Variants in MAST4 observed in about 807,000 individuals in gnomAD.
The protein encoded by MAST4 is microtubule-associated serine/threonine-protein kinase 4.
Under a neutral mutation model 162.7 loss-of-function variants are expected in MAST4, and 89 were observed. The observed-to-expected ratio is 0.55, with a 90% CI of 0.46 to 0.65. MAST4 has a LOEUF of 0.65. Among genes scored for constraint, MAST4 ranks in the 30% least tolerant of loss-of-function variants. The probability of loss-of-function intolerance (pLI) is 0.00; values close to 1 mark genes in which losing one functional copy is unlikely to be tolerated. For missense variants in MAST4, 3,153 were observed against 3,374.0 expected (o/e 0.93, Z 1.62); for synonymous variants, 1,479 against 1,361.1 (o/e 1.09, Z -1.91).
chr5:67,081,013 A>G (rs1036240170), intron 5 of MAST4, among the ~76,000 whole-genome samples: 2 of 137,278 alleles, frequency 1.5e-5, no homozygotes, highest in African/African-American at 5.5e-5. Context: ...AATATAATAT[A>G]TAATTGTATA....
intron 3 of MAST4, among the ~76,000 whole-genome samples, chr5:66,843,814 C>G (rs1304942404): frequency 3.9e-5 from 6 of 152,070 alleles, no homozygotes; most frequent in African/African-American, 1.4e-4. Flanking sequence ...TGATACACAG[C>G]CAGGGTATAT....
At chr5:66,750,452 G>C (rs1455312491) in intron 1 of MAST4, among the ~76,000 whole-genome samples, 1 of 152,240 alleles carries the variant, frequency 6.6e-6, no homozygotes, top group Non-Finnish European at 1.5e-5. Context: ...CCGTGTGCGA[G>C]CCGAAGCAGG....
At position 67,165,285 on chromosome 5, in the gene MAST4, T is replaced by G. The variant is rs1773740119; in HGVS notation, c.6106T>G (p.Trp2036Gly). ...YTQTQAMEKA[W>G]APGGKTNHKD... is the part of the protein sequence containing the mutation. ...ACAGACCCAGGCCATGGAGAAAGCA[T>G]GGGCGCCGGGTGGGAAAACGAACCA... The change falls in exon 29 of 29, where the codon TGG becomes GGG. Residue 2036 changes from tryptophan to glycine, a missense_variant. Transcript: ENST00000403625. The G allele has an allele frequency of 6.2e-7, 1 of 1,613,260 alleles. No individual in the cohort carries two copies. Among genetic ancestry groups the G allele is most frequent in the African/African-American group, 1.3e-5 (1 of 74,904 alleles).
At chr5:66,837,894 ATTTTTTT>A (rs754095073) in intron 3 of MAST4, among the ~76,000 whole-genome samples, 50 of 53,684 alleles carry the variant, frequency 9.3e-4, no homozygotes, top group African/African-American at 2.5e-3. Context: ...ATATATATAT[ATTTTTTT>A]TTTTTTTTTT....
chr5:66,826,604 A>ACCC (rs1018044966), intron 3 of MAST4, among the ~76,000 whole-genome samples: 1 of 135,842 alleles, frequency 7.4e-6, no homozygotes, highest in African/African-American at 2.8e-5. Flanking sequence ...TCCTCCCACC[A>ACCC]CCCCCCCCAA....
intron 4 of MAST4, among the ~76,000 whole-genome samples, chr5:67,051,226 T>A (rs980357475): frequency 2.0e-5 from 3 of 149,950 alleles, no homozygotes; most frequent in Non-Finnish European, 4.4e-5. Context: ...GTTGTGCTGG[T>A]GAAAAGGAAG....
chr5:66,868,145 T>G (rs1318624168), intron 3 of MAST4, among the ~76,000 whole-genome samples: 1 of 152,198 alleles, frequency 6.6e-6, no homozygotes. Context: ...ATTACATGAT[T>G]GAACTGATAA....
chr5:66,757,266 G>T (rs1467502201), intron 1 of MAST4, among the ~76,000 whole-genome samples: 1 of 152,118 alleles, frequency 6.6e-6, no homozygotes, highest in Non-Finnish European at 1.5e-5. Flanking sequence ...ATTTTATGCA[G>T]CTGTCACTCA....
intron 2 of MAST4, among the ~76,000 whole-genome samples, chr5:66,765,715 A>G (rs1754063783): frequency 6.6e-6 from 1 of 152,204 alleles, no homozygotes; most frequent in African/African-American, 2.4e-5. Context: ...AAAATACAGA[A>G]CAGTATAATG....
chr5:66,627,570 A>G lies in MAST4; in HGVS notation c.363+30552A>G, dbSNP rs115051063. Among the ~76,000 whole-genome samples, 170 of 152,336 alleles carry G rather than the reference A, an allele frequency of 1.1e-3. 2 individuals are homozygous for G. The South Asian group carries it at 0.033, about 30-fold the overall frequency. On this transcript the variant is annotated intron_variant, in intron 1 of 28. Coordinates refer to ENST00000403625, the MANE Select transcript of MAST4 (RefSeq NM_001164664.2). ...GTGTTCGTGTGAGAATTTTTAGATCAATGGCTGCAAATAATTAAACTCAGC... is the reference window on the plus strand; with the variant it reads ...GTGTTCGTGTGAGAATTTTTAGATCGATGGCTGCAAATAATTAAACTCAGC...
intron 5 of MAST4, among the ~76,000 whole-genome samples, chr5:67,058,659 A>G (rs897213799): frequency 1.3e-5 from 2 of 152,230 alleles, no homozygotes; most frequent in African/African-American, 4.8e-5. Context: ...TTAGGTGAAA[A>G]CATTGCATGT....
intron 4 of MAST4, among the ~76,000 whole-genome samples, chr5:66,944,753 A>G (rs983273564): frequency 1.3e-5 from 2 of 152,244 alleles, no homozygotes; most frequent in African/African-American, 4.8e-5. Flanking sequence ...AAGCCTAGAC[A>G]GGGCTCAGCT....
intron 24 of MAST4, 100 bp from the exon 25 acceptor site, chr5:67,152,537 A>T: frequency 1.2e-6 from 1 of 855,912 alleles, no homozygotes; most frequent in Non-Finnish European, 1.9e-6. Flanking sequence ...TTGTGTTGTG[A>T]CTATGCCCCC....
At chr5:66,898,679 T>A (rs986999076) in intron 3 of MAST4, among the ~76,000 whole-genome samples, 41 of 152,210 alleles carry the variant, frequency 2.7e-4, no homozygotes, top group Non-Finnish European at 5.9e-4. Flanking sequence ...GTTTTGCTAT[T>A]GGGTGAAAGA....
chr5:66,847,806 A>G (rs1248616306), intron 3 of MAST4, among the ~76,000 whole-genome samples: 3 of 133,624 alleles, frequency 2.2e-5, no homozygotes, highest in Non-Finnish European at 4.7e-5. Flanking sequence ...GGGTGCTGGA[A>G]CAAGACTCCT....
At chr5:67,126,725 A>G (rs936552379) in intron 14 of MAST4, among the ~76,000 whole-genome samples, 2 of 152,104 alleles carry the variant, frequency 1.3e-5, no homozygotes, top group Non-Finnish European at 2.9e-5. Context: ...TTGGCTATGC[A>G]GGCTCTTTTT....
At chr5:66,610,465 C>T (rs1467344661) in intron 1 of MAST4, among the ~76,000 whole-genome samples, 1 of 152,056 alleles carries the variant, frequency 6.6e-6, no homozygotes, top group Non-Finnish European at 1.5e-5. Flanking sequence ...GAATTTTGAA[C>T]CTGAAAAGCC....
chr5:66,742,847 C>T (rs1407888748), intron 1 of MAST4, among the ~76,000 whole-genome samples: 1 of 152,162 alleles, frequency 6.6e-6, no homozygotes, highest in Non-Finnish European at 1.5e-5. Context: ...AATGGTTGGT[C>T]AGCTAATCAG....
intron 5 of MAST4, among the ~76,000 whole-genome samples, chr5:67,066,631 T>C (rs2548588): frequency 0.32 from 48,677 of 151,884 alleles, 9,146 homozygotes; most frequent in African/African-American, 0.53. Context: ...AATGGACATT[T>C]TGGCTGTTCC....
Sources: gnomAD v4.1 joint callset for allele counts (sites outside exome capture counted in the v4.1 genomes callset) on GRCh38, gnomAD v4.1.1 for gene constraint, MANE v1.5 for transcripts, NCBI Gene and HGNC (gene_info 2026-07-23, HGNC 2026-07-21) for gene names.